OPRM1: variants seen among roughly 807,000 people sequenced by gnomAD.
The protein encoded by OPRM1 is opioid receptor mu 1.
In OPRM1, 27 loss-of-function variants were observed where a neutral mutation model predicts 31.8. The ratio of observed to expected loss-of-function variants is 0.85; its 90% CI spans 0.63 to 1.17. OPRM1 has a LOEUF of 1.17. Among genes scored for constraint, OPRM1 ranks in the 50% most tolerant of loss-of-function variants. The pLI is 0.00. For missense variants in OPRM1, 536 were observed against 511.1 expected (o/e 1.05, Z -0.47); for synonymous variants, 196 against 189.9 (o/e 1.03, Z -0.26).
intron 3 of OPRM1, among the ~76,000 whole-genome samples, chr6:154,197,866 G>A (rs982663084): frequency 2.6e-5 from 4 of 152,158 alleles, no homozygotes; most frequent in African/African-American, 9.7e-5. Flanking sequence ...TTCTACTTAC[G>A]ACCCAGTGAT....
intron 3 of OPRM1, among the ~76,000 whole-genome samples, chr6:154,111,471 A>G (rs1796352964): frequency 6.6e-6 from 1 of 152,112 alleles, no homozygotes. Context: ...ATATTAAACC[A>G]ACTTTCCTCC....
At chr6:154,051,977 C>T (rs950858064) in intron 1 of OPRM1, among the ~76,000 whole-genome samples, 8 of 152,178 alleles carry the variant, frequency 5.3e-5, no homozygotes, top group African/African-American at 1.7e-4. Flanking sequence ...TACATATACA[C>T]CATGGAATAC....
chr6:154,217,752 T>C (rs1196187840), intron 3 of OPRM1, among the ~76,000 whole-genome samples: 3 of 152,202 alleles, frequency 2.0e-5, no homozygotes, highest in African/African-American at 7.2e-5. Context: ...GCTTATACCT[T>C]AGTTCATAAT....
intron 1 of OPRM1, among the ~76,000 whole-genome samples, chr6:154,071,050 C>A (rs1280706854): frequency 1.3e-5 from 2 of 152,066 alleles, no homozygotes; most frequent in African/African-American, 4.8e-5. Flanking sequence ...TAAGTATAAG[C>A]CATTTGATTA....
chr6:154,098,864 GA>G (rs1199309350), intron 3 of OPRM1, among the ~76,000 whole-genome samples: 1 of 151,982 alleles, frequency 6.6e-6, no homozygotes, highest in East Asian at 1.9e-4. Context: ...TATTTCCCTG[GA>G]AATCAAGAAT....
chr6:154,200,997 T>G (rs1423118651), intron 3 of OPRM1, among the ~76,000 whole-genome samples: 1 of 152,164 alleles, frequency 6.6e-6, no homozygotes, highest in Non-Finnish European at 1.5e-5. Flanking sequence ...GCTGTTCTCA[T>G]GATAGTGAGT....
At chr6:154,165,684 T>C (rs1265796816) in intron 3 of OPRM1, among the ~76,000 whole-genome samples, 1 of 151,954 alleles carries the variant, frequency 6.6e-6, no homozygotes, top group Non-Finnish European at 1.5e-5. Flanking sequence ...ATTCAAGGCC[T>C]TGTGTAATCT....
chr6:154,103,863 A>T lies in OPRM1; in HGVS notation c.1164+12391A>T, dbSNP rs566932711. ...GGTTTTGGCCGGCTCCTTTACTGCA[A>T]CGTGTTTTATCAGCAAGGTCTTTAT... is the stretch of plus-strand genomic sequence containing the variant. On this transcript the variant is annotated intron_variant, in intron 3 of 3. Coordinates refer to ENST00000330432, the MANE Select transcript of OPRM1 (RefSeq NM_000914.5). 1.4e-4 allele frequency among the ~76,000 whole-genome samples: 22 copies of T among 152,284 alleles called. No homozygotes were observed. The South Asian group carries it at 3.3e-3, about 23-fold the overall frequency.
At chr6:154,229,751 C>T (rs928878747) in intron 3 of OPRM1, among the ~76,000 whole-genome samples, 4 of 152,130 alleles carry the variant, frequency 2.6e-5, no homozygotes, top group Non-Finnish European at 5.9e-5. Context: ...ATGCAAATGC[C>T]CATGCAAAGG....
chr6:154,114,097 T>C (rs656905), intron 3 of OPRM1, among the ~76,000 whole-genome samples: 31,468 of 152,124 alleles, frequency 0.21, 3,485 homozygotes, highest in Non-Finnish European at 0.25. Flanking sequence ...TCCCCAGTCA[T>C]ATATGGCAGA....
intron 3 of OPRM1, among the ~76,000 whole-genome samples, chr6:154,245,286 G>GA (rs1780936480): frequency 7.7e-4 from 41 of 52,992 alleles, no homozygotes; most frequent in Non-Finnish European, 1.4e-3. Flanking sequence ...CCAAATGCTT[G>GA]GAAAAAAAAA....
At chr6:154,076,217 T>A (rs1787860630) in intron 1 of OPRM1, among the ~76,000 whole-genome samples, 2 of 152,160 alleles carry the variant, frequency 1.3e-5, no homozygotes, top group Admixed American at 6.5e-5. Flanking sequence ...AACCTCAGAA[T>A]AAGTAAGACC....
At chr6:154,227,899 A>C (rs1404476302) in intron 3 of OPRM1, among the ~76,000 whole-genome samples, 1 of 152,008 alleles carries the variant, frequency 6.6e-6, no homozygotes, top group African/African-American at 2.4e-5. Flanking sequence ...TATAAGCAGA[A>C]GCTTTTTTTT....
intron 3 of OPRM1, among the ~76,000 whole-genome samples, chr6:154,099,281 T>A (rs1793944831): frequency 9.9e-6 from 1 of 101,012 alleles, no homozygotes; most frequent in African/African-American, 3.7e-5. Flanking sequence ...TGAGAGTCTG[T>A]CGAAAGGAAG....
At chr6:154,202,997 C>G (rs1583787307) in intron 3 of OPRM1, among the ~76,000 whole-genome samples, 1 of 152,082 alleles carries the variant, frequency 6.6e-6, no homozygotes, top group Non-Finnish European at 1.5e-5. Flanking sequence ...GAAAGTGAAC[C>G]TGGAGTTTAA....
intron 1 of OPRM1, among the ~76,000 whole-genome samples, chr6:154,013,147 A>G (rs1777821461): frequency 6.6e-6 from 1 of 152,188 alleles, no homozygotes; most frequent in Non-Finnish European, 1.5e-5. Context: ...AGTGGACGTT[A>G]GCCTTGAGCC....
At chr6:154,094,856 T>C (rs1401939900) in intron 3 of OPRM1, among the ~76,000 whole-genome samples, 1 of 152,164 alleles carries the variant, frequency 6.6e-6, no homozygotes, top group Non-Finnish European at 1.5e-5. Context: ...AGGATAGGTA[T>C]ATAGGGAGCG....
intron 3 of OPRM1, among the ~76,000 whole-genome samples, chr6:154,210,927 A>C (rs1437758081): frequency 6.6e-6 from 1 of 152,188 alleles, no homozygotes; most frequent in Admixed American, 6.5e-5. Context: ...GTGTGAAAAA[A>C]CAGTAGAGGT....
chr6:154,058,946 G>T (rs938778072), intron 1 of OPRM1, among the ~76,000 whole-genome samples: 2 of 152,172 alleles, frequency 1.3e-5, no homozygotes, highest in African/African-American at 4.8e-5. Context: ...AATGATGGAA[G>T]TCAGATTTGA....
Sources: allele counts gnomAD v4.1 joint callset (sites outside exome capture counted in the v4.1 genomes callset), GRCh38; gene constraint gnomAD v4.1.1; transcripts MANE v1.5; gene names NCBI Gene and HGNC (gene_info 2026-07-23, HGNC 2026-07-21).